The following GALNT13 variants were observed in gnomAD, a reference collection of about 807,000 sequenced individuals.
GALNT13 encodes the protein UDP-GalNAc:polypeptide N-acetylgalactosaminyltransferase 13.
GALNT13 carries 28 observed loss-of-function variants against 64.2 expected under a neutral mutation model. The ratio of observed to expected loss-of-function variants is 0.44; its 90% CI spans 0.32 to 0.60. The LOEUF is 0.60. Ranked by LOEUF, GALNT13 falls within the 20% of genes least tolerant of loss-of-function variation. The pLI, the probability that GALNT13 is intolerant of heterozygous loss-of-function variation, is 0.05. For missense variants in GALNT13, 577 were observed against 669.8 expected (o/e 0.86, Z 1.53); for synonymous variants, 214 against 224.6 (o/e 0.95, Z 0.42).
At chr2:154,338,660 T>A (rs1695588653) in intron 9 of GALNT13, among the ~76,000 whole-genome samples, 1 of 152,062 alleles carries the variant, frequency 6.6e-6, no homozygotes, top group African/African-American at 2.4e-5. Context: ...AAATGAGCAA[T>A]GACCAGGTTT....
the GALNT13 span, among the ~76,000 whole-genome samples, chr2:153,084,457 T>G: frequency 1.3e-5 from 2 of 152,148 alleles, no homozygotes; most frequent in Non-Finnish European, 2.9e-5. Context: ...TTTCACCTCT[T>G]TGGTTAGGTA....
At chr2:153,464,201 C>G in the GALNT13 span, among the ~76,000 whole-genome samples, 2 of 152,024 alleles carry the variant, frequency 1.3e-5, no homozygotes, top group African/African-American at 4.8e-5. Context: ...AGGTTGAGGT[C>G]TCAGGGCTGA....
chr2:153,875,382 A>G (rs1293889783), intron 1 of GALNT13, among the ~76,000 whole-genome samples: 1 of 152,218 alleles, frequency 6.6e-6, no homozygotes, highest in African/African-American at 2.4e-5. Context: ...AAAAATAGCA[A>G]AGACATAATG....
chr2:153,085,749 G>A, the GALNT13 span, among the ~76,000 whole-genome samples: 1 of 152,176 alleles, frequency 6.6e-6, no homozygotes, highest in Non-Finnish European at 1.5e-5. Context: ...GAAATGTGGG[G>A]TTGGAGCCCC....
the GALNT13 span, among the ~76,000 whole-genome samples, chr2:153,155,325 A>T: frequency 1.3e-5 from 2 of 152,122 alleles, no homozygotes; most frequent in African/African-American, 4.8e-5. Flanking sequence ...CTTCTGGTAG[A>T]ATTCAGCTGT....
At chr2:153,485,142 T>C in the GALNT13 span, among the ~76,000 whole-genome samples, 2 of 152,236 alleles carry the variant, frequency 1.3e-5, no homozygotes, top group Non-Finnish European at 2.9e-5. Flanking sequence ...TTTGTAAACT[T>C]TATGTTCAGG....
At chr2:153,511,463 T>A in the GALNT13 span, among the ~76,000 whole-genome samples, 1 of 152,160 alleles carries the variant, frequency 6.6e-6, no homozygotes, top group Non-Finnish European at 1.5e-5. Flanking sequence ...TCAGATTATT[T>A]TTGTATTTCT....
the GALNT13 span, among the ~76,000 whole-genome samples, chr2:153,571,085 A>G: frequency 6.6e-6 from 1 of 151,944 alleles, no homozygotes; most frequent in African/African-American, 2.4e-5. Flanking sequence ...CTTCCAGTTC[A>G]TGAACGTAGA....
At chr2:153,679,662 C>T in the GALNT13 span, among the ~76,000 whole-genome samples, 3 of 151,844 alleles carry the variant, frequency 2.0e-5, no homozygotes, top group Non-Finnish European at 2.9e-5. Context: ...AAAAATTTCT[C>T]CCACAAATCT....
the GALNT13 span, among the ~76,000 whole-genome samples, chr2:153,774,357 A>C: frequency 1.3e-5 from 2 of 152,066 alleles, no homozygotes; most frequent in African/African-American, 2.4e-5. Context: ...TAATATGTAC[A>C]AATTAATTTT....
At chr2:153,423,446 A>C in the GALNT13 span, 1 of 152,076 alleles carries the variant, frequency 6.6e-6, no homozygotes, top group South Asian at 2.1e-4. Flanking sequence ...CTTTAAATCG[A>C]GAACAAGGCC....
chr2:153,503,643 G>A, the GALNT13 span, among the ~76,000 whole-genome samples: 15 of 152,094 alleles, frequency 9.9e-5, no homozygotes, highest in African/African-American at 1.7e-4. Flanking sequence ...GTTTCACCCC[G>A]TTGGCCAGGC....
chr2:154,257,954 C>T (rs1237027058), intron 7 of GALNT13, among the ~76,000 whole-genome samples: 1 of 152,090 alleles, frequency 6.6e-6, no homozygotes, highest in Non-Finnish European at 1.5e-5. Context: ...TTATATAATA[C>T]CAAAGTCGGG....
At chr2:153,486,340 C>G in the GALNT13 span, among the ~76,000 whole-genome samples, 1 of 152,060 alleles carries the variant, frequency 6.6e-6, no homozygotes, top group Admixed American at 6.6e-5. Context: ...TTATGGCACT[C>G]AAAATTATTA....
the GALNT13 span, among the ~76,000 whole-genome samples, chr2:153,331,199 G>A: frequency 2.7e-5 from 4 of 149,060 alleles, no homozygotes; most frequent in Admixed American, 2.7e-4. Context: ...AGATTTTTGT[G>A]TCTATGTTCA....
chr2:154,196,245 A>C (rs1277920449), intron 4 of GALNT13, among the ~76,000 whole-genome samples: 1 of 152,054 alleles, frequency 6.6e-6, no homozygotes, highest in Non-Finnish European at 1.5e-5. Context: ...AACAACTCTC[A>C]TGAATTACGT....
the GALNT13 span, among the ~76,000 whole-genome samples, chr2:153,393,141 C>T: frequency 6.6e-6 from 1 of 152,190 alleles, no homozygotes; most frequent in South Asian, 2.1e-4. Context: ...AAGTTCACAG[C>T]TGCATCTGTC....
chr2:153,681,059 C>T, the GALNT13 span, among the ~76,000 whole-genome samples: 8 of 151,976 alleles, frequency 5.3e-5, no homozygotes, highest in South Asian at 2.1e-4. Context: ...GGTGCCAAGT[C>T]GGCCAAATTC....
intron 10 of GALNT13, among the ~76,000 whole-genome samples, chr2:154,407,893 A>G (rs1175088313): frequency 1.3e-4 from 20 of 152,132 alleles, no homozygotes; most frequent in Admixed American, 1.3e-3. Flanking sequence ...TCTGCACCAC[A>G]GAAAAAGTGA....
Sources: allele counts gnomAD v4.1 joint callset (sites outside exome capture counted in the v4.1 genomes callset), GRCh38; gene constraint gnomAD v4.1.1; transcripts MANE v1.5; gene names NCBI Gene and HGNC (gene_info 2026-07-23, HGNC 2026-07-21).